Variants in KCNH8 observed in about 807,000 individuals in gnomAD.
The protein encoded by KCNH8 is voltage-gated delayed rectifier potassium channel KCNH8.
In KCNH8, 70 loss-of-function variants were observed where a neutral mutation model predicts 103.6. The observed-to-expected ratio is 0.68, with a 90% CI of 0.56 to 0.82. The LOEUF (loss-of-function observed/expected upper bound fraction) is 0.82, where lower values mean the gene tolerates loss of function less well. Among genes scored for constraint, KCNH8 ranks in the 40% least tolerant of loss-of-function variants. The pLI is 0.00. For missense variants in KCNH8, 1,217 were observed against 1,329.9 expected (o/e 0.92, Z 1.32); for synonymous variants, 498 against 489.4 (o/e 1.02, Z -0.23).
At chr3:19,259,877 G>T (rs1001097307) in intron 2 of KCNH8, among the ~76,000 whole-genome samples, 2 of 151,572 alleles carry the variant, frequency 1.3e-5, no homozygotes, top group African/African-American at 4.8e-5. Flanking sequence ...CTCCAAAGGG[G>T]GAACCTCTAT....
rs142812452 is a variant in KCNH8, at chr3:19,165,577, T to C, written c.76+16782T>C. 8.6e-3 allele frequency among the ~76,000 whole-genome samples: 1,305 copies of C among 152,328 alleles called. 7 individuals are homozygous for C. Among genetic ancestry groups the C allele is most frequent in the Non-Finnish European group, 0.012 (813 of 68,028 alleles). ...CCTTAGGTAAAAACAGCCTTTTGGG[T>C]ACTTTATTCTAACAAGAGAGGTAAA... On this transcript the variant is annotated intron_variant, in intron 1 of 15. Coordinates refer to ENST00000328405, the MANE Select transcript of KCNH8 (RefSeq NM_144633.3).
intron 3 of KCNH8, among the ~76,000 whole-genome samples, chr3:19,322,076 G>A (rs761797053): frequency 3.3e-5 from 5 of 151,918 alleles, no homozygotes; most frequent in Non-Finnish European, 7.4e-5. Context: ...GTTTACATGA[G>A]TCCTGACATA....
intron 7 of KCNH8, 124 bp downstream of exon 7, chr3:19,395,435 A>G: frequency 6.4e-6 from 4 of 620,250 alleles, no homozygotes; most frequent in Non-Finnish European, 1.1e-5. Flanking sequence ...TTGTCTAATT[A>G]ATTTCTATTT....
At chr3:19,235,848 G>A (rs572313477) in intron 1 of KCNH8, among the ~76,000 whole-genome samples, 1 of 152,254 alleles carries the variant, frequency 6.6e-6, no homozygotes, top group South Asian at 2.1e-4. Flanking sequence ...TAGAAAAATG[G>A]CCAAAATTGA....
chr3:19,302,945 C>T (rs1009281712), intron 3 of KCNH8, among the ~76,000 whole-genome samples: 1 of 152,140 alleles, frequency 6.6e-6, no homozygotes, highest in Non-Finnish European at 1.5e-5. Flanking sequence ...CCACTATTAT[C>T]CTTGGGATAC....
intron 3 of KCNH8, among the ~76,000 whole-genome samples, chr3:19,341,286 C>T (rs1175251720): frequency 6.6e-6 from 1 of 152,098 alleles, no homozygotes; most frequent in East Asian, 1.9e-4. Flanking sequence ...CCCACTCCTT[C>T]AACGCCTAAG....
intron 2 of KCNH8, among the ~76,000 whole-genome samples, chr3:19,271,665 A>C (rs531972153): frequency 8.5e-5 from 13 of 152,186 alleles, no homozygotes; most frequent in Non-Finnish European, 1.8e-4. Flanking sequence ...TGGCCTCCTC[A>C]AAGCTCTTAA....
chr3:19,189,442 G>A (rs2063531147), intron 1 of KCNH8, among the ~76,000 whole-genome samples: 1 of 151,658 alleles, frequency 6.6e-6, no homozygotes, highest in East Asian at 1.9e-4. Flanking sequence ...TAAATTAATG[G>A]TTTCTTAAAA....
Position 19,534,339 on chromosome 3 carries a change from G to A in KCNH8, c.*240G>A. ...TATTAAACTACTGGTCTGTTTGACA[G>A]ACTTTGGTAACAATCCAAAGACCCT... On this transcript the variant is annotated 3_prime_UTR_variant, in exon 16 of 16. Transcript: ENST00000328405. 1.9e-6 allele frequency: 1 copy of A among 515,904 alleles called. No individual in the cohort carries two copies. The allele number at this position is 515,904 out of a possible 1,614,324, so 32.0% of individuals were successfully genotyped here. A position where few individuals can be genotyped will look rare whatever the true frequency, so the allele number is the denominator to read the frequency against.
intron 3 of KCNH8, among the ~76,000 whole-genome samples, chr3:19,296,040 C>T (rs1467698834): frequency 1.3e-5 from 2 of 152,048 alleles, no homozygotes; most frequent in African/African-American, 2.4e-5. Flanking sequence ...GCTTATCTCC[C>T]CAGTGAGCCT....
chr3:19,247,771 AT>A (rs1252816872), intron 1 of KCNH8, among the ~76,000 whole-genome samples: 1 of 152,200 alleles, frequency 6.6e-6, no homozygotes, highest in Non-Finnish European at 1.5e-5. Flanking sequence ...TTTCTGTATG[AT>A]GCCAAGTCAG....
chr3:19,340,258 G>C (rs977938011), intron 3 of KCNH8, among the ~76,000 whole-genome samples: 1 of 151,840 alleles, frequency 6.6e-6, no homozygotes, highest in African/African-American at 2.4e-5. Context: ...TAATAGTAGA[G>C]AGATTTTATG....
At chr3:19,166,198 G>T (rs1195767825) in intron 1 of KCNH8, among the ~76,000 whole-genome samples, 1 of 152,026 alleles carries the variant, frequency 6.6e-6, no homozygotes, top group East Asian at 1.9e-4. Context: ...TTTTAAAAAA[G>T]GTTAGACATC....
chr3:19,301,127 A>G (rs2065059734), intron 3 of KCNH8, among the ~76,000 whole-genome samples: 1 of 151,612 alleles, frequency 6.6e-6, no homozygotes, highest in African/African-American at 2.4e-5. Flanking sequence ...AAAGCTAAAA[A>G]GTGGCAAAGC....
intron 1 of KCNH8, among the ~76,000 whole-genome samples, chr3:19,194,766 A>C (rs888798856): frequency 6.6e-6 from 1 of 151,836 alleles, no homozygotes; most frequent in Non-Finnish European, 1.5e-5. Flanking sequence ...CACATATATC[A>C]TCTGAATCTA....
intron 13 of KCNH8, among the ~76,000 whole-genome samples, chr3:19,514,582 T>G (rs1020700648): frequency 6.6e-6 from 1 of 151,870 alleles, no homozygotes; most frequent in Admixed American, 6.6e-5. Flanking sequence ...TTATTTTGTT[T>G]TTTTGTTACC....
intron 1 of KCNH8, among the ~76,000 whole-genome samples, chr3:19,199,604 AT>A (rs951678396): frequency 6.7e-6 from 1 of 149,778 alleles, no homozygotes; most frequent in Non-Finnish European, 1.5e-5. Flanking sequence ...TGTATTATAT[AT>A]TTTTATGTTA....
intron 3 of KCNH8, among the ~76,000 whole-genome samples, chr3:19,317,263 C>T (rs770532221): frequency 5.3e-5 from 8 of 151,832 alleles, no homozygotes; most frequent in Non-Finnish European, 1.2e-4. Flanking sequence ...AGGCTGACAA[C>T]GTTTTTAAAT....
intron 1 of KCNH8, among the ~76,000 whole-genome samples, chr3:19,207,102 A>AG (rs2063724897): frequency 6.6e-6 from 1 of 151,944 alleles, no homozygotes; most frequent in Admixed American, 6.6e-5. Flanking sequence ...ATAAGGAAGG[A>AG]GGTGTGTAGA....
Sources: allele counts gnomAD v4.1 joint callset (sites outside exome capture counted in the v4.1 genomes callset), GRCh38; gene constraint gnomAD v4.1.1; transcripts MANE v1.5; gene names NCBI Gene and HGNC (gene_info 2026-07-23, HGNC 2026-07-21).